SPTBN1: variants seen among roughly 807,000 people sequenced by gnomAD.
The protein encoded by SPTBN1 is spectrin beta chain, non-erythrocytic 1.
A neutral mutation model predicts 266.4 loss-of-function variants in SPTBN1; 32 were observed. That is an observed-to-expected ratio of 0.12 (90% CI 0.09 to 0.16). SPTBN1 has a LOEUF of 0.16. SPTBN1 is among the 10% of genes least tolerant of loss of function. The pLI is 1.00. For missense variants in SPTBN1, 2,296 were observed against 3,067.1 expected, an observed-to-expected ratio of 0.75 and a Z score of 5.94; for synonymous variants, 1,336 against 1,162.2, an observed-to-expected ratio of 1.15 and a Z score of -3.04.
At chr2:54,579,474 A>G (rs10187338) in intron 2 of SPTBN1, among the ~76,000 whole-genome samples, 51,554 of 152,078 alleles carry the variant, frequency 0.34, 11,241 homozygotes, top group African/African-American at 0.63. Flanking sequence ...GTGGCCCCCA[A>G]TGAGGGGTAG....
At chr2:54,598,661 ATG>A (rs1014909479) in intron 2 of SPTBN1, among the ~76,000 whole-genome samples, 4 of 152,162 alleles carry the variant, frequency 2.6e-5, no homozygotes, top group African/African-American at 9.7e-5. Context: ...TGTAACATGT[ATG>A]TAGGAAGCTT....
At chr2:54,509,129 G>A (rs961285078) in intron 1 of SPTBN1, among the ~76,000 whole-genome samples, 1 of 152,222 alleles carries the variant, frequency 6.6e-6, no homozygotes, top group Non-Finnish European at 1.5e-5. Context: ...GCCTTTGCTG[G>A]TGAGTGGCGA....
intron 1 of SPTBN1, among the ~76,000 whole-genome samples, chr2:54,473,602 T>C (rs1694037154): frequency 6.6e-6 from 1 of 152,192 alleles, no homozygotes; most frequent in Non-Finnish European, 1.5e-5. Flanking sequence ...GGCCACCATT[T>C]CCTTTTTACT....
At chr2:54,485,462 G>A (rs1230702833) in intron 1 of SPTBN1, among the ~76,000 whole-genome samples, 1 of 152,330 alleles carries the variant, frequency 6.6e-6, no homozygotes, top group Non-Finnish European at 1.5e-5. Context: ...CAAGGTGCCG[G>A]GATTGCAGAC....
Position 54,629,285 on chromosome 2 carries a change from G to A in SPTBN1, c.2151G>A (p.Glu717=). The A allele has an allele frequency of 6.2e-7, 1 of 1,614,062 alleles. No individual in the cohort carries two copies. Among genetic ancestry groups the A allele is most frequent in the Admixed American group, 1.7e-5 (1 of 60,028 alleles). ...EEHFGSEKIR[E]RIIYIREQWA... ...ACTTCGGGTCGGAGAAGATCCGTGAGAGGATCATTTACATCCGGGAGCAGT... is the reference window on the plus strand; with the variant it reads ...ACTTCGGGTCGGAGAAGATCCGTGAAAGGATCATTTACATCCGGGAGCAGT... The change falls in exon 14 of 36, where the codon GAG becomes GAA. Residue 717 remains glutamate, a synonymous_variant. Transcript: ENST00000356805.
chr2:54,596,897 A>T (rs767041814), intron 2 of SPTBN1, among the ~76,000 whole-genome samples: 2 of 152,124 alleles, frequency 1.3e-5, no homozygotes, highest in Non-Finnish European at 2.9e-5. Context: ...AAGTATATTG[A>T]CTGTTGTTTC....
In SPTBN1 at chr2:54,618,148, C is replaced by G. The variant is rs752488873; in HGVS notation, c.718C>G (p.Leu240Val). The change falls in exon 7 of 36, where the codon CTG becomes GTG. Residue 240 changes from leucine to valine, a missense_variant. By Grantham distance (32) the Leu-to-Val change is conservative (BLOSUM62 1). Around this residue, in one of 12 missense-constraint regions of SPTBN1, gnomAD observed 178 missense variants for 375.7 expected, o/e 0.47. Transcript: ENST00000356805. ...CTACAACCTGCAGAATGCATTTAAT[C>G]TGGCAGAACAGCACCTCGGCCTCAC... Reference protein sequence around the residue: ...AHYNLQNAFNLAEQHLGLTKL... With the variant: ...AHYNLQNAFNVAEQHLGLTKL... 12 of 1,614,102 alleles carry G rather than the reference C, an allele frequency of 7.4e-6. No homozygotes were observed. Among genetic ancestry groups the G allele is most frequent in the Admixed American group, 1.7e-5 (1 of 60,010 alleles).
intron 3 of SPTBN1, among the ~76,000 whole-genome samples, chr2:54,607,140 C>T (rs964306156): frequency 2.6e-5 from 4 of 152,128 alleles, no homozygotes; most frequent in Non-Finnish European, 5.9e-5. Context: ...TTTCTTTTTC[C>T]ATTGCTATTA....
At chr2:54,604,206 G>T (rs7598568) in intron 3 of SPTBN1, among the ~76,000 whole-genome samples, 123,403 of 152,072 alleles carry the variant, frequency 0.81, 50,811 homozygotes, top group African/African-American at 0.94. Context: ...CTTTGGACAC[G>T]TATAGAGAAA....
At chr2:54,487,832 C>CTGTTTTTTTTTTTTTTTTTTTTTTT (rs1426296541) in intron 1 of SPTBN1, among the ~76,000 whole-genome samples, 1 of 68,644 alleles carries the variant, frequency 1.5e-5, no homozygotes, top group Non-Finnish European at 2.6e-5. Context: ...CCTCCTGTGT[C>CTGTTTTTTTTTTTTTTTTTTTTTTT]TTTTTTTTTT....
At chr2:54,625,563 T>A (rs1678266912) in intron 11 of SPTBN1, among the ~76,000 whole-genome samples, 1 of 146,034 alleles carries the variant, frequency 6.8e-6, no homozygotes, top group Non-Finnish European at 1.5e-5. Flanking sequence ...GGAGGGGGGG[T>A]GGCGCGGGAA....
chr2:54,582,627 G>A (rs1360259664), intron 2 of SPTBN1, among the ~76,000 whole-genome samples: 4 of 151,720 alleles, frequency 2.6e-5, no homozygotes, highest in African/African-American at 9.7e-5. Context: ...ACTGAATTAC[G>A]TAAAACTCCC....
chr2:54,456,695 C>T (rs1693049921), intron 1 of SPTBN1, among the ~76,000 whole-genome samples, 177 bp downstream of exon 1: 1 of 150,794 alleles, frequency 6.6e-6, no homozygotes, highest in African/African-American at 2.4e-5. Flanking sequence ...AAAGCCCGGG[C>T]GGGGGCGGCG....
intron 1 of SPTBN1, among the ~76,000 whole-genome samples, chr2:54,491,922 A>C (rs969581905): frequency 1.3e-5 from 2 of 151,984 alleles, no homozygotes; most frequent in African/African-American, 4.8e-5. Context: ...TTTAAATCCA[A>C]ATTTTTCTAT....
At chr2:54,591,523 G>A (rs1294500841) in intron 2 of SPTBN1, among the ~76,000 whole-genome samples, 1 of 152,208 alleles carries the variant, frequency 6.6e-6, no homozygotes, top group Non-Finnish European at 1.5e-5. Flanking sequence ...TACTTGAAAA[G>A]TAAAAGAAAG....
At chr2:54,552,017 G>A (rs1672592490) in intron 2 of SPTBN1, among the ~76,000 whole-genome samples, 1 of 152,114 alleles carries the variant, frequency 6.6e-6, no homozygotes, top group Admixed American at 6.5e-5. Flanking sequence ...TGCATAATGG[G>A]CTGAGTTAAA....
At chr2:54,661,318 T>C in intron 32 of SPTBN1, 1 of 985,910 alleles carries the variant, frequency 1.0e-6, no homozygotes. Context: ...CATCAAAACC[T>C]TGTGAGACAT....
At position 54,649,248 on chromosome 2, in the gene SPTBN1, C is replaced by T. The variant is rs1572752212; in HGVS notation, c.5202+58C>T. ...TGCAGTAAGCGATGGTGTGGAAGGC[C>T]ATTTGCATTCCTTGTCTGTGAGCAG... On this transcript the variant is annotated intron_variant, in intron 25 of 35. Transcript: ENST00000356805. The surrounding 1 kb of genome is among the most constrained non-coding windows in gnomAD (Gnocchi z 6.7). The T allele has an allele frequency of 4.0e-6, 6 of 1,506,038 alleles. No homozygotes were observed. The East Asian group carries it at 1.4e-4, about 34-fold the overall frequency. The allele number at this position is 1,506,038 out of a possible 1,614,324, so 93.3% of individuals were successfully genotyped here.
At chr2:54,504,537 A>C (rs1276890654) in intron 1 of SPTBN1, among the ~76,000 whole-genome samples, 2 of 152,202 alleles carry the variant, frequency 1.3e-5, no homozygotes, top group South Asian at 4.1e-4. Context: ...TGAGAACTGC[A>C]TTGAATCCAT....
Sources: allele counts gnomAD v4.1 joint callset (sites outside exome capture counted in the v4.1 genomes callset), GRCh38; gene constraint gnomAD v4.1.1; regional missense constraint gnomAD v4.1.1; non-coding constraint Gnocchi (gnomAD v3.1); transcripts MANE v1.5; gene names NCBI Gene and HGNC (gene_info 2026-07-23, HGNC 2026-07-21).